The following PLCE1 variants were observed in gnomAD, a reference collection of about 807,000 sequenced individuals.
The protein encoded by PLCE1 is 1-phosphatidylinositol 4,5-bisphosphate phosphodiesterase epsilon-1.
A neutral mutation model predicts 242.8 loss-of-function variants in PLCE1; 119 were observed. The observed-to-expected ratio is 0.49, with a 90% confidence interval of 0.42 to 0.57. The LOEUF (loss-of-function observed/expected upper bound fraction) is 0.57, where lower values mean the gene tolerates loss of function less well. Among genes scored for constraint, PLCE1 ranks in the 20% least tolerant of loss-of-function variants. PLCE1 has a pLI of 0.00. For missense variants in PLCE1, 2,441 were observed against 2,788.8 expected, an observed-to-expected ratio of 0.88 and a Z score of 2.81; for synonymous variants, 945 against 1,017.4, an observed-to-expected ratio of 0.93 and a Z score of 1.35.
intron 18 of PLCE1, among the ~76,000 whole-genome samples, chr10:94,271,371 G>A (rs1478847061): frequency 7.5e-6 from 1 of 133,234 alleles, no homozygotes; most frequent in African/African-American, 2.9e-5. Flanking sequence ...CTGGAGTGCA[G>A]TGGTGCAATC....
chr10:94,068,503 G>T (rs895671946), intron 2 of PLCE1, among the ~76,000 whole-genome samples: 1 of 152,164 alleles, frequency 6.6e-6, no homozygotes, highest in Non-Finnish European at 1.5e-5. Flanking sequence ...TGCTATACAA[G>T]AGGATGTGTG....
chr10:94,254,851 T>A (rs1446051352), intron 10 of PLCE1, 42 bp from the exon 11 acceptor site: 1 of 1,607,172 alleles, frequency 6.2e-7, no homozygotes, highest in African/African-American at 1.3e-5. Context: ...AGGGAAAGTA[T>A]AATCTGAGTC....
chr10:94,314,208 G>A lies in PLCE1; in HGVS notation c.6132+826G>A, dbSNP rs537839541. Among the ~76,000 whole-genome samples, 11 of 152,344 alleles carry A rather than the reference G, an allele frequency of 7.2e-5. No individual in the cohort carries two copies. In the South Asian group the frequency reaches 1.0e-3, roughly 14 times the overall value. On this transcript the variant is annotated intron_variant, in intron 28 of 32. Transcript: ENST00000371380. ...CCAAAGGGCGAGGCAGGGCCCATGC[G>A]TAATTCCTTTTTTCACCACACCAGA...
At chr10:94,130,357 A>G (rs533035640) in intron 2 of PLCE1, among the ~76,000 whole-genome samples, 1 of 152,326 alleles carries the variant, frequency 6.6e-6, no homozygotes, top group East Asian at 1.9e-4. Flanking sequence ...CATTGAGGGT[A>G]AAGGAGTGTA....
At chr10:94,138,782 C>G (rs2046865383) in intron 3 of PLCE1, 1 of 235,264 alleles carries the variant, frequency 4.3e-6, no homozygotes. Flanking sequence ...AGATTTCAAG[C>G]TTCATATCAG....
chr10:94,150,540 C>G (rs896580890), intron 3 of PLCE1, among the ~76,000 whole-genome samples: 10 of 152,172 alleles, frequency 6.6e-5, no homozygotes, highest in Admixed American at 1.3e-4. Flanking sequence ...GGATACTTTA[C>G]CTTTGAGGAG....
intron 3 of PLCE1, among the ~76,000 whole-genome samples, chr10:94,156,497 G>T (rs2047437827): frequency 6.6e-6 from 1 of 152,206 alleles, no homozygotes; most frequent in Non-Finnish European, 1.5e-5. Flanking sequence ...ACAGCCAGAT[G>T]AAGAGGTGCA....
At chr10:94,200,823 G>A (rs565335723) in intron 4 of PLCE1, among the ~76,000 whole-genome samples, 3 of 152,282 alleles carry the variant, frequency 2.0e-5, no homozygotes, top group Non-Finnish European at 2.9e-5. Context: ...TTTGACCTCC[G>A]TGGTCTTCCT....
At chr10:94,046,871 TTTATAC>T (rs1317182642) in intron 2 of PLCE1, among the ~76,000 whole-genome samples, 4 of 152,236 alleles carry the variant, frequency 2.6e-5, no homozygotes, top group Non-Finnish European at 4.4e-5. Flanking sequence ...TTAGTAGACT[TTTATAC>T]GTTGAATGTT....
intron 2 of PLCE1, among the ~76,000 whole-genome samples, chr10:94,099,346 T>C (rs537165837): frequency 6.6e-6 from 1 of 152,336 alleles, no homozygotes; most frequent in African/African-American, 2.4e-5. Context: ...GCCAGTCCTG[T>C]GCTCAGTACT....
intron 4 of PLCE1, among the ~76,000 whole-genome samples, chr10:94,212,231 T>G (rs182782114): frequency 1.7e-4 from 26 of 152,054 alleles, no homozygotes; most frequent in Admixed American, 9.8e-4. Flanking sequence ...GAATTACATG[T>G]GCATGCCACC....
At chr10:94,011,944 C>T (rs1415762489) in intron 1 of PLCE1, among the ~76,000 whole-genome samples, 4 of 152,124 alleles carry the variant, frequency 2.6e-5, no homozygotes, top group Admixed American at 2.6e-4. Context: ...ACTAAAACCC[C>T]AGGGCTCTAC....
At chr10:94,112,167 C>T (rs10882394) in intron 2 of PLCE1, among the ~76,000 whole-genome samples, 140,123 of 152,122 alleles carry the variant, frequency 0.92, 64,992 homozygotes, top group South Asian at 0.98. Context: ...ATTAGAGATA[C>T]ATATTTAATA....
chr10:94,179,998 G>GT (rs2048259923), intron 4 of PLCE1, among the ~76,000 whole-genome samples: 1 of 151,080 alleles, frequency 6.6e-6, no homozygotes, highest in Non-Finnish European at 1.5e-5. Context: ...AATAAATTCC[G>GT]TTTTTTATTA....
At chr10:94,000,688 G>T (rs1190166617) in intron 1 of PLCE1, among the ~76,000 whole-genome samples, 1 of 152,170 alleles carries the variant, frequency 6.6e-6, no homozygotes, top group Admixed American at 6.5e-5. Flanking sequence ...GAATGGTGTT[G>T]CAGCTGCAGG....
At chr10:94,145,453 A>T (rs1001943851) in intron 3 of PLCE1, among the ~76,000 whole-genome samples, 1 of 152,188 alleles carries the variant, frequency 6.6e-6, no homozygotes, top group African/African-American at 2.4e-5. Context: ...TGTTTTACTT[A>T]TACTGCAGGA....
intron 3 of PLCE1, chr10:94,138,743 T>A: frequency 4.0e-6 from 1 of 250,984 alleles, no homozygotes; most frequent in Non-Finnish European, 7.8e-6. Context: ...TGAGCTCCCA[T>A]ATAATGACTA....
chr10:94,016,310 G>A (rs899218682), intron 1 of PLCE1, among the ~76,000 whole-genome samples: 2 of 151,824 alleles, frequency 1.3e-5, no homozygotes, highest in African/African-American at 4.8e-5. Context: ...GAAGTGTTTT[G>A]GATTTTGGAC....
intron 1 of PLCE1, among the ~76,000 whole-genome samples, chr10:94,014,026 A>G (rs1195099412): frequency 6.6e-6 from 1 of 152,102 alleles, no homozygotes; most frequent in Admixed American, 6.5e-5. Context: ...GGTGTGATGC[A>G]GTTTCTTGGG....
Sources: gnomAD v4.1 joint callset for allele counts (sites outside exome capture counted in the v4.1 genomes callset) on GRCh38, gnomAD v4.1.1 for gene constraint, MANE v1.5 for transcripts, NCBI Gene and HGNC (gene_info 2026-07-23, HGNC 2026-07-21) for gene names.